Variants in SLC6A15 observed in about 807,000 individuals in gnomAD.
The protein encoded by SLC6A15 is solute carrier family 6 member 15, also known as sodium-dependent neutral amino acid transporter B(0)AT2.
A neutral mutation model predicts 68.5 loss-of-function variants in SLC6A15; 33 were observed. The observed-to-expected ratio is 0.48, with a 90% CI of 0.37 to 0.64. The LOEUF is 0.64. Ranked by LOEUF, SLC6A15 falls within the 30% of genes least tolerant of loss-of-function variation. The pLI, the probability that SLC6A15 is intolerant of heterozygous loss-of-function variation, is 0.00. For missense variants in SLC6A15, 747 were observed against 874.3 expected (o/e 0.85, Z 1.84); for synonymous variants, 347 against 301.0 (o/e 1.15, Z -1.58).
At chr12:84,881,957 G>C (rs941349406) in intron 5 of SLC6A15, 2 of 983,910 alleles carry the variant, frequency 2.0e-6, no homozygotes, top group African/African-American at 1.7e-5. Flanking sequence ...CCAAATACTA[G>C]TCTTTTCCTG....
rs150727891 is a variant in SLC6A15, at chr12:84,909,128, G to T, written c.-189+3395C>A. Among the ~76,000 whole-genome samples the T allele has an allele frequency of 6.1e-3, 922 of 152,102 alleles. 3 individuals carry two copies. Among genetic ancestry groups the T allele is most frequent in the African/African-American group, 0.018 (729 of 41,522 alleles). ...CCCTTGATAAAAATTGTGTCCATTT[G>T]CACTACCACCAGCAATGCATGAGAG... is the stretch of plus-strand genomic sequence containing the variant. On this transcript the variant is annotated intron_variant, in intron 1 of 11. Transcript: ENST00000266682.
chr12:84,884,563 C>G (rs944980798), intron 4 of SLC6A15, among the ~76,000 whole-genome samples: 6 of 152,238 alleles, frequency 3.9e-5, no homozygotes, highest in Admixed American at 3.9e-4. Flanking sequence ...GCCTCGACCT[C>G]CCAAAGTGCT....
At chr12:84,868,135 A>G (rs1871138155) in intron 9 of SLC6A15, among the ~76,000 whole-genome samples, 1 of 152,176 alleles carries the variant, frequency 6.6e-6, no homozygotes, top group Non-Finnish European at 1.5e-5. Context: ...TTCAGCAAGT[A>G]TGTGTGACAT....
chr12:84,911,779 A>G (rs1228485007), intron 1 of SLC6A15, among the ~76,000 whole-genome samples: 1 of 152,154 alleles, frequency 6.6e-6, no homozygotes, highest in Admixed American at 6.5e-5. Context: ...CTGGGTTTCT[A>G]ACTGCTTCCC....
intron 8 of SLC6A15, among the ~76,000 whole-genome samples, chr12:84,872,072 G>C (rs1043111374): frequency 1.3e-5 from 2 of 151,562 alleles, no homozygotes; most frequent in African/African-American, 4.9e-5. Flanking sequence ...CAGGAGAATT[G>C]CTTGAACCTG....
chr12:84,875,652 A>G (rs1429570961), intron 6 of SLC6A15, among the ~76,000 whole-genome samples: 1 of 212 alleles, frequency 4.7e-3, no homozygotes, highest in Non-Finnish European at 0.014. Context: ...GGTGCACCAT[A>G]TATATATATA....
intron 10 of SLC6A15, among the ~76,000 whole-genome samples, chr12:84,865,018 C>T (rs1451489733): frequency 1.3e-5 from 2 of 152,082 alleles, no homozygotes; most frequent in Non-Finnish European, 2.9e-5. Flanking sequence ...TTTAGTAAGT[C>T]TATCATGAAT....
At chr12:84,862,154 C>A in intron 11 of SLC6A15, 148 bp from the exon 12 acceptor site, 1 of 731,000 alleles carries the variant, frequency 1.4e-6, no homozygotes, top group African/African-American at 1.8e-5. Context: ...AAGTGACACT[C>A]AGCAACTTCC....
rs753966954 is a variant in SLC6A15 at position 84,870,509 on chromosome 12, G to A, written c.1464C>T (p.Asp488=). ...GAATTTCTTTCCTCACTTTGAAAGT[G>A]TCCACAATAGGCGTGACAATCCCTT... The part of the protein sequence containing the change: ...TIEGIVTPIV[D]TFKVRKEILT... Residue 488 remains aspartate (D), a synonymous_variant, in exon 9 of 12, where the codon GAC becomes GAT. Transcript: ENST00000266682. The A allele has an allele frequency of 5.8e-6, 9 of 1,560,762 alleles. No individual in the cohort carries two copies. The East Asian group carries it at 1.9e-4, about 33-fold the overall frequency.
intron 1 of SLC6A15, among the ~76,000 whole-genome samples, chr12:84,896,256 T>C (rs1872634423): frequency 6.6e-6 from 1 of 152,178 alleles, no homozygotes; most frequent in Admixed American, 6.5e-5. Flanking sequence ...AAAATATTGC[T>C]CATGGGCCAA....
rs1870851719 is a variant in SLC6A15 at position 84,861,640 on chromosome 12, C to A, written c.2185G>T (p.Asp729Tyr). Residue 729 changes from aspartate to tyrosine, a missense_variant, in exon 12 of 12, where the codon GAT becomes TAT. Transcript: ENST00000266682. ...ACTGACTTTTCCCCCAGCTACAAAT[C>A]AGATTCTGGCATATCTGGCATAATA... ...ADIMPDMPES[D>Y]L 3.1e-6 allele frequency: 5 copies of A among 1,589,314 alleles called. No individual in the cohort carries two copies. Among genetic ancestry groups the A allele is most frequent in the African/African-American group, 1.3e-5 (1 of 74,166 alleles).
intron 10 of SLC6A15, among the ~76,000 whole-genome samples, chr12:84,865,363 A>G (rs988729754): frequency 6.6e-6 from 1 of 152,210 alleles, no homozygotes; most frequent in African/African-American, 2.4e-5. Context: ...TTTCCCATAT[A>G]GCTCCTACCA....
chr12:84,874,481 C>T (rs1036636676), intron 6 of SLC6A15: 1 of 152,132 alleles, frequency 6.6e-6, no homozygotes, highest in Non-Finnish European at 1.5e-5. Flanking sequence ...GGTTATGTAA[C>T]TTGCCTAAGT....
chr12:84,883,590 G>T (rs1871930982), intron 5 of SLC6A15: 1 of 1,390,698 alleles, frequency 7.2e-7, no homozygotes, highest in East Asian at 2.6e-5. Context: ...AAAAAGAAAG[G>T]ACTTTTAAGT....
chr12:84,910,938 T>TGTGTGTGTGTGTGTGTGTGTGCGCGC (rs1420400190), intron 1 of SLC6A15, among the ~76,000 whole-genome samples: 3 of 150,760 alleles, frequency 2.0e-5, no homozygotes, highest in African/African-American at 7.4e-5. Flanking sequence ...CGTGTGTGTG[T>TGTGTGTGTGTGTGTGTGTGTGCGCGC]GTGTGTGTGT....
intron 5 of SLC6A15, chr12:84,883,046 T>C (rs1302343412): frequency 1.0e-6 from 1 of 982,666 alleles, no homozygotes; most frequent in Non-Finnish European, 1.2e-6. Flanking sequence ...AAAAGGAAAA[T>C]AGCACAGCTG....
chr12:84,883,792 A>G (rs1489650779), intron 5 of SLC6A15, 67 bp downstream of exon 5: 1 of 1,613,830 alleles, frequency 6.2e-7, no homozygotes, highest in Admixed American at 1.7e-5. Context: ...TCTGTAACAG[A>G]ATTTGAGAGA....
chr12:84,884,773 A>G (rs1299818336), intron 4 of SLC6A15, among the ~76,000 whole-genome samples: 1 of 152,128 alleles, frequency 6.6e-6, no homozygotes, highest in Non-Finnish European at 1.5e-5. Context: ...TGAAATTTGA[A>G]CTAGATTTCA....
At chr12:84,865,631 C>T (rs1871032294) in intron 10 of SLC6A15, among the ~76,000 whole-genome samples, 1 of 152,150 alleles carries the variant, frequency 6.6e-6, no homozygotes, top group Non-Finnish European at 1.5e-5. Context: ...TGGATCTGGC[C>T]CAACCCCTGT....
Sources: allele counts gnomAD v4.1 joint callset (sites outside exome capture counted in the v4.1 genomes callset), GRCh38; gene constraint gnomAD v4.1.1; transcripts MANE v1.5; gene names NCBI Gene and HGNC (gene_info 2026-07-23, HGNC 2026-07-21).